The following PTPN12 variants were observed in gnomAD, a reference collection of about 807,000 sequenced individuals.
PTPN12 encodes the protein protein tyrosine phosphatase non-receptor type 12, also known as tyrosine-protein phosphatase non-receptor type 12.
In PTPN12, 29 loss-of-function variants were observed where a neutral mutation model predicts 97.6. The observed-to-expected ratio is 0.30, with a 90% CI of 0.22 to 0.41. The LOEUF (loss-of-function observed/expected upper bound fraction) is 0.41, where lower values mean the gene tolerates loss of function less well. Ranked by LOEUF, PTPN12 falls within the 10% of genes least tolerant of loss-of-function variation. The pLI, the probability that PTPN12 is intolerant of heterozygous loss-of-function variation, is 1.00. For missense variants in PTPN12, 819 were observed against 926.0 expected, an observed-to-expected ratio of 0.88 and a Z score of 1.50; for synonymous variants, 327 against 300.4, an observed-to-expected ratio of 1.09 and a Z score of -0.91.
At chr7:77,550,129 C>T (rs1336101503) in intron 1 of PTPN12, among the ~76,000 whole-genome samples, 1 of 152,102 alleles carries the variant, frequency 6.6e-6, no homozygotes, top group African/African-American at 2.4e-5. Flanking sequence ...CTTTGTGCCT[C>T]CCTTTGAAAT....
At chr7:77,633,043 C>T (rs2151405276) in intron 14 of PTPN12, among the ~76,000 whole-genome samples, 1 of 152,022 alleles carries the variant, frequency 6.6e-6, no homozygotes, top group African/African-American at 2.4e-5. Context: ...GGCTGAGATG[C>T]ACTGATCACC....
At chr7:77,633,854 C>T (rs955940682) in intron 14 of PTPN12, among the ~76,000 whole-genome samples, 1 of 151,532 alleles carries the variant, frequency 6.6e-6, no homozygotes, top group African/African-American at 2.4e-5. Context: ...GATACCTCCT[C>T]TCTTCTAAAA....
At chr7:77,629,701 G>C (rs944150224) in intron 13 of PTPN12, among the ~76,000 whole-genome samples, 1 of 152,006 alleles carries the variant, frequency 6.6e-6, no homozygotes, top group African/African-American at 2.4e-5. Context: ...CAGCATTTTG[G>C]GAGGCTGAGG....
chr7:77,561,783 ATT>A (rs869302608), intron 1 of PTPN12, among the ~76,000 whole-genome samples: 3 of 130,484 alleles, frequency 2.3e-5, no homozygotes, highest in Non-Finnish European at 4.9e-5. Context: ...TAATTAATTA[ATT>A]TTATTTATTT....
intron 15 of PTPN12, 28 bp from the exon 16 acceptor site, chr7:77,636,990 T>TA (rs1789616311): frequency 6.4e-7 from 1 of 1,565,006 alleles, no homozygotes; most frequent in African/African-American, 1.4e-5. Context: ...GAATGTATTG[T>TA]AATAGGTATT....
In PTPN12 at chr7:77,566,003, T is replaced by C. The variant is rs545622540; in HGVS notation, c.100-5075T>C. 2.6e-5 allele frequency among the ~76,000 whole-genome samples: 4 copies of C among 152,244 alleles called. No individual in the cohort carries two copies. In the South Asian group the frequency reaches 8.3e-4, roughly 32 times the overall value. On this transcript the variant is annotated intron_variant, in intron 1 of 17. Transcript: ENST00000248594. ...ATACTTAAGAAATACTTTTCACAAG[T>C]GGCAATAGAACAATGTGTTATGGAC...
chr7:77,608,429 G>A (rs932262376), intron 9 of PTPN12, among the ~76,000 whole-genome samples: 1 of 152,168 alleles, frequency 6.6e-6, no homozygotes, highest in African/African-American at 2.4e-5. Flanking sequence ...TGATACTGTG[G>A]ATGATACAGA....
chr7:77,635,712 G>A (rs1164795986), intron 14 of PTPN12, 70 bp from the exon 15 acceptor site: 7 of 938,970 alleles, frequency 7.5e-6, no homozygotes, highest in South Asian at 2.4e-5. Context: ...TCTGTTTTTT[G>A]TATTACTTTA....
At chr7:77,630,470 T>A (rs1325950509) in intron 13 of PTPN12, among the ~76,000 whole-genome samples, 3 of 152,230 alleles carry the variant, frequency 2.0e-5, no homozygotes, top group African/African-American at 7.2e-5. Context: ...CCATACAATG[T>A]AACCTCTTGC....
At chr7:77,615,520 G>A (rs1374254007) in intron 11 of PTPN12, among the ~76,000 whole-genome samples, 1 of 152,202 alleles carries the variant, frequency 6.6e-6, no homozygotes. Context: ...GCCAGGGCAG[G>A]AGAATTGCTT....
At chr7:77,572,342 G>C (rs17466111) in intron 2 of PTPN12, among the ~76,000 whole-genome samples, 9,234 of 152,054 alleles carry the variant, frequency 0.061, 418 homozygotes, top group Non-Finnish European at 0.089. Flanking sequence ...TGCCAGATTT[G>C]GTGGTCTTTT....
intron 12 of PTPN12, among the ~76,000 whole-genome samples, chr7:77,625,516 T>TCTCTCA (rs1562758862): frequency 2.0e-5 from 2 of 100,322 alleles, no homozygotes; most frequent in Non-Finnish European, 4.1e-5. Context: ...TCTCTCTCTC[T>TCTCTCA]CTCTCTCACT....
intron 1 of PTPN12, among the ~76,000 whole-genome samples, chr7:77,539,022 C>G (rs1454109224): frequency 6.6e-6 from 1 of 152,084 alleles, no homozygotes; most frequent in Non-Finnish European, 1.5e-5. Flanking sequence ...ACAGTTAATG[C>G]CTGTAAAATG....
At chr7:77,547,515 T>C (rs1444680954) in intron 1 of PTPN12, among the ~76,000 whole-genome samples, 1 of 152,236 alleles carries the variant, frequency 6.6e-6, no homozygotes, top group Non-Finnish European at 1.5e-5. Flanking sequence ...CATTAATTTC[T>C]ATCCTGGCCC....
chr7:77,570,183 A>C (rs561501768), intron 1 of PTPN12, among the ~76,000 whole-genome samples: 3 of 152,358 alleles, frequency 2.0e-5, no homozygotes, highest in African/African-American at 7.2e-5. Context: ...TGATGATAAA[A>C]TTTAGTCGTT....
rs1457512206 is a variant in PTPN12, at chr7:77,639,290, C to G, written c.*10C>G. 6.2e-7 allele frequency: 1 copy of G among 1,605,734 alleles called. No individual in the cohort carries two copies. The highest frequency in any genetic ancestry group is 8.5e-7 in the Non-Finnish European group (1 of 1,173,798). On this transcript the variant is annotated 3_prime_UTR_variant, in exon 18 of 18. Transcript: ENST00000248594. ...TTCAGAATGGACATGATTCAGGGAG[C>G]TAGAAGACACTTTAAGTTATACTGG... is the stretch of plus-strand genomic sequence containing the variant.
At chr7:77,587,008 C>T (rs1787712499) in intron 5 of PTPN12, among the ~76,000 whole-genome samples, 3 of 152,162 alleles carry the variant, frequency 2.0e-5, no homozygotes, top group Admixed American at 2.0e-4. Context: ...ACTTCCTCTA[C>T]TGAAGTCTTG....
At chr7:77,553,309 A>G (rs972294739) in intron 1 of PTPN12, among the ~76,000 whole-genome samples, 2 of 152,120 alleles carry the variant, frequency 1.3e-5, no homozygotes, top group Non-Finnish European at 2.9e-5. Context: ...TATCCAGTTG[A>G]TTGATGATGC....
chr7:77,589,820 T>C (rs1265695125), intron 5 of PTPN12, among the ~76,000 whole-genome samples: 2 of 152,216 alleles, frequency 1.3e-5, no homozygotes, highest in Non-Finnish European at 2.9e-5. Flanking sequence ...TGTTTTAAGT[T>C]ACTGTTAAGG....
Sources: gnomAD v4.1 joint callset for allele counts (sites outside exome capture counted in the v4.1 genomes callset) on GRCh38, gnomAD v4.1.1 for gene constraint, MANE v1.5 for transcripts, NCBI Gene and HGNC (gene_info 2026-07-23, HGNC 2026-07-21) for gene names.